Variants in TMEM223 observed in about 807,000 individuals in gnomAD.
The protein encoded by TMEM223 is transmembrane protein 223.
A neutral mutation model predicts 14.1 loss-of-function variants in TMEM223; 14 were observed. The ratio of observed to expected loss-of-function variants is 0.99; its 90% CI spans 0.66 to 1.55. The LOEUF (loss-of-function observed/expected upper bound fraction) is 1.55, where lower values mean the gene tolerates loss of function less well. Among genes scored for constraint, TMEM223 ranks in the 40% most tolerant of loss-of-function variants. The pLI, the probability that TMEM223 is intolerant of heterozygous loss-of-function variation, is 0.00. For missense variants in TMEM223, 346 were observed against 269.9 expected (o/e 1.28, Z -1.97); for synonymous variants, 145 against 120.5 (o/e 1.20, Z -1.33).
intron 1 of TMEM223, 47 bp from the exon 2 acceptor site, chr11:62,790,962 T>G: frequency 1.4e-5 from 21 of 1,477,550 alleles, no homozygotes; most frequent in Non-Finnish European, 1.8e-5. Context: ...ACTGGGCATC[T>G]AAGTACCGAC....
At chr11:62,782,025 G>A (rs1356678900) in intron 1 of TMEM223, 1 of 1,602,864 alleles carries the variant, frequency 6.2e-7, no homozygotes, top group Non-Finnish European at 8.5e-7. Flanking sequence ...TGACCCAGCA[G>A]GTGTAGGGCT....
intron 1 of TMEM223, among the ~76,000 whole-genome samples, chr11:62,780,539 C>T (rs546122576): frequency 1.3e-5 from 2 of 152,090 alleles, no homozygotes; most frequent in Non-Finnish European, 2.9e-5. Flanking sequence ...TGCTGCACTC[C>T]AGCCTGGCTG....
chr11:62,782,759 A>G (rs1565189321), downstream of TMEM223: 2 of 1,613,164 alleles, frequency 1.2e-6, no homozygotes, highest in Non-Finnish European at 1.7e-6. Context: ...AGATCCTGGC[A>G]GATCCTGTGC....
At chr11:62,788,996 C>G (rs375427562), downstream of TMEM223, 5 of 1,595,960 alleles carry the variant, frequency 3.1e-6, no homozygotes, top group African/African-American at 1.3e-5. Flanking sequence ...AACCTGAAAT[C>G]TAGGACTCAG....
rs759974837 is a variant in TMEM223, at chr11:62,790,753, C to T, written c.479G>A (p.Arg160Gln). 8.1e-6 allele frequency: 13 copies of T among 1,610,320 alleles called. No individual in the cohort carries two copies. Among genetic ancestry groups the T allele is most frequent in the East Asian group, 2.2e-5 (1 of 44,740 alleles). The change falls in exon 2 of 2, where the codon CGG becomes CAG. Residue 160 changes from arginine (R) to glutamine (Q), a missense_variant. Physicochemically the swap from Arg to Gln is conservative, Grantham distance 43 (BLOSUM62 1). Transcript: ENST00000307366. ...PLKQVSCMAH[R>Q]GEVPAMLPLK... is the part of the protein sequence containing the mutation. The stretch of plus-strand genomic sequence containing the variant: ...AGGTAGCATGGCAGGGACTTCACCC[C>T]GGTGGGCCATGCAAGATACCTGCTT...
At chr11:62,786,894 G>A (rs759474304), downstream of TMEM223, 2 of 1,554,064 alleles carry the variant, frequency 1.3e-6, no homozygotes, top group Non-Finnish European at 1.7e-6. Context: ...CGCAGCTGAC[G>A]GCAAGCGCCA....
At chr11:62,779,214 A>C (rs2084209296) in intron 1 of TMEM223, among the ~76,000 whole-genome samples, 1 of 151,006 alleles carries the variant, frequency 6.6e-6, no homozygotes, top group African/African-American at 2.4e-5. Flanking sequence ...TTTGTTTTTG[A>C]AACGGAGTCT....
intron 1 of TMEM223, among the ~76,000 whole-genome samples, chr11:62,779,577 T>C (rs1193291350): frequency 4.0e-5 from 6 of 148,580 alleles, no homozygotes; most frequent in East Asian, 4.1e-4. Context: ...CCACCCGCCT[T>C]GGCCTCCCAA....
chr11:62,772,284 G>T (rs559813010), intron 2 of TMEM223, among the ~76,000 whole-genome samples: 6 of 152,224 alleles, frequency 3.9e-5, no homozygotes, highest in Admixed American at 3.9e-4. Flanking sequence ...CACTTTGGGA[G>T]GCCGAGGCAC....
downstream of TMEM223, chr11:62,782,581 C>T: frequency 6.8e-7 from 1 of 1,468,942 alleles, no homozygotes; most frequent in South Asian, 1.3e-5. Flanking sequence ...CTTCACTTAA[C>T]CCCAGCACTC....
downstream of TMEM223, chr11:62,789,886 A>T (rs759747125): frequency 8.7e-6 from 14 of 1,612,532 alleles, no homozygotes; most frequent in Middle Eastern, 1.6e-4. Flanking sequence ...TCTCCTACAG[A>T]CCTCTTCTTG....
At chr11:62,786,938 G>A (rs1305931949), downstream of TMEM223, 4 of 1,466,216 alleles carry the variant, frequency 2.7e-6, no homozygotes, top group South Asian at 1.3e-5. Flanking sequence ...AGCCCCCGGG[G>A]CAGCGGCGGA....
chr11:62,779,981 T>A (rs1437086843), intron 1 of TMEM223, among the ~76,000 whole-genome samples: 47 of 137,924 alleles, frequency 3.4e-4, no homozygotes, highest in African/African-American at 1.0e-3. Context: ...TATATATTTT[T>A]TTTTTTTTTT....
downstream of TMEM223, chr11:62,787,268 C>G (rs1284914122): frequency 4.5e-6 from 7 of 1,561,598 alleles, no homozygotes; most frequent in East Asian, 2.3e-5. Flanking sequence ...TGGGCGCTCT[C>G]GGACTACTCG....
chr11:62,771,887 A>C, exon 3 of TMEM223: 1 of 309,718 alleles, frequency 3.2e-6, no homozygotes, highest in Admixed American at 4.4e-5. Context: ...CAGATAGGGA[A>C]ACTGCAGCTT....
chr11:62,775,675 C>T, intron 1 of TMEM223: 1 of 1,379,344 alleles, frequency 7.2e-7, no homozygotes, highest in South Asian at 1.4e-5. Context: ...AACTCCAGAG[C>T]ACGAGCAGCA....
downstream of TMEM223, chr11:62,788,981 A>T (rs377652389): frequency 1.6e-4 from 257 of 1,577,058 alleles, no homozygotes; most frequent in Non-Finnish European, 2.2e-4. Flanking sequence ...GTATCTAGAG[A>T]CATTAACCTG....
chr11:62,788,978 G>C (rs758045127), downstream of TMEM223: 2 of 1,573,862 alleles, frequency 1.3e-6, no homozygotes, highest in Non-Finnish European at 1.7e-6. Context: ...ACTGTATCTA[G>C]AGACATTAAC....
At chr11:62,789,225 C>G, downstream of TMEM223, 1 of 1,613,988 alleles carries the variant, frequency 6.2e-7, no homozygotes, top group Non-Finnish European at 8.5e-7. Flanking sequence ...CTGCCTAACC[C>G]TGAGGGCCAG....
Sources: gnomAD v4.1 joint callset for allele counts (sites outside exome capture counted in the v4.1 genomes callset) on GRCh38, gnomAD v4.1.1 for gene constraint, MANE v1.5 for transcripts, NCBI Gene and HGNC (gene_info 2026-07-23, HGNC 2026-07-21) for gene names.